GLT1D1: variants seen among roughly 807,000 people sequenced by gnomAD.
The protein encoded by GLT1D1 is glycosyltransferase 1 domain-containing protein 1.
In GLT1D1, 21 loss-of-function variants were observed where a neutral mutation model predicts 28.7. The ratio of observed to expected loss-of-function variants is 0.73; its 90% CI spans 0.52 to 1.05. The LOEUF (loss-of-function observed/expected upper bound fraction) is 1.05, where lower values mean the gene tolerates loss of function less well. Among genes scored for constraint, GLT1D1 ranks in the 50% least tolerant of loss-of-function variants. GLT1D1 has a pLI of 0.00. For missense variants in GLT1D1, 343 were observed against 330.6 expected, an observed-to-expected ratio of 1.04 and a Z score of -0.29; for synonymous variants, 147 against 124.8, an observed-to-expected ratio of 1.18 and a Z score of -1.19.
At chr12:128,877,864 C>G (rs1956911158) in intron 2 of GLT1D1, among the ~76,000 whole-genome samples, 1 of 152,180 alleles carries the variant, frequency 6.6e-6, no homozygotes, top group South Asian at 2.1e-4. Context: ...AGGCTGCAGT[C>G]TTATCTGGTG....
intron 4 of GLT1D1, among the ~76,000 whole-genome samples, chr12:128,922,009 C>G (rs1351327282): frequency 6.6e-6 from 1 of 151,480 alleles, no homozygotes; most frequent in Non-Finnish European, 1.5e-5. Context: ...TTCCTTCTTT[C>G]CCTCTTCCCC....
At chr12:128,910,194 C>A (rs1871361595) in intron 4 of GLT1D1, among the ~76,000 whole-genome samples, 1 of 150,766 alleles carries the variant, frequency 6.6e-6, no homozygotes, top group Non-Finnish European at 1.5e-5. Flanking sequence ...GGAAGATCAG[C>A]AGATAAGTCC....
chr12:128,869,088 C>T (rs1290154374), intron 1 of GLT1D1, among the ~76,000 whole-genome samples: 7 of 152,186 alleles, frequency 4.6e-5, no homozygotes, highest in East Asian at 1.9e-4. Context: ...AGGCTGGTCT[C>T]GAACTCCTGA....
chr12:128,949,034 C>A (rs1345291866), intron 6 of GLT1D1, among the ~76,000 whole-genome samples: 2 of 152,180 alleles, frequency 1.3e-5, no homozygotes, highest in Non-Finnish European at 2.9e-5. Context: ...TAGTATTAAT[C>A]TCCATTGTCC....
chr12:128,870,184 C>T (rs1470591317), intron 1 of GLT1D1, among the ~76,000 whole-genome samples: 1 of 152,104 alleles, frequency 6.6e-6, no homozygotes, highest in Non-Finnish European at 1.5e-5. Context: ...ATTACGGTCA[C>T]TCCAGCCTGG....
chr12:128,901,757 A>T (rs1354985948), intron 4 of GLT1D1, among the ~76,000 whole-genome samples: 5 of 147,420 alleles, frequency 3.4e-5, no homozygotes, highest in East Asian at 2.0e-4. Flanking sequence ...TATTATTATT[A>T]TTTTTTTTGA....
At chr12:128,858,869 C>T (rs1956291199) in intron 1 of GLT1D1, among the ~76,000 whole-genome samples, 1 of 152,146 alleles carries the variant, frequency 6.6e-6, no homozygotes, top group Admixed American at 6.6e-5. Context: ...TTAACTTGAA[C>T]ATTTCCTTTC....
intron 4 of GLT1D1, among the ~76,000 whole-genome samples, chr12:128,941,205 T>G (rs1875189165): frequency 6.6e-6 from 1 of 152,192 alleles, no homozygotes; most frequent in African/African-American, 2.4e-5. Context: ...GATTGGCACA[T>G]CACGTCTACT....
chr12:128,971,101 C>T (rs1003901490), intron 7 of GLT1D1, among the ~76,000 whole-genome samples: 3 of 152,178 alleles, frequency 2.0e-5, no homozygotes, highest in Admixed American at 1.3e-4. Flanking sequence ...GCAGTCATCC[C>T]GCCCAATCAT....
At chr12:128,892,985 C>T (rs1869229536) in intron 3 of GLT1D1, among the ~76,000 whole-genome samples, 1 of 152,156 alleles carries the variant, frequency 6.6e-6, no homozygotes, top group Non-Finnish European at 1.5e-5. Flanking sequence ...ATGGCTAATG[C>T]CTGTAATCCC....
intron 4 of GLT1D1, among the ~76,000 whole-genome samples, chr12:128,943,596 T>C (rs1346804765): frequency 5.3e-5 from 8 of 152,358 alleles, no homozygotes; most frequent in Non-Finnish European, 2.9e-5. Context: ...ACATATGTAT[T>C]TTCAAAGGAA....
intron 1 of GLT1D1, among the ~76,000 whole-genome samples, chr12:128,875,712 C>T (rs139366650): frequency 2.6e-5 from 4 of 152,072 alleles, no homozygotes; most frequent in East Asian, 3.9e-4. Context: ...GCAGGAGAAT[C>T]GCTTGGAGAC....
intron 7 of GLT1D1, 139 bp downstream of exon 11, chr12:128,957,782 T>TATC: frequency 1.7e-6 from 1 of 598,904 alleles, no homozygotes; most frequent in Non-Finnish European, 3.0e-6. Flanking sequence ...TGTCTTCTGT[T>TATC]ATCACCTGGG....
chr12:128,856,868 G>A, intron 1 of GLT1D1, among the ~76,000 whole-genome samples: 1 of 150,950 alleles, frequency 6.6e-6, no homozygotes, highest in East Asian at 1.9e-4. Context: ...TCGGGAGGCA[G>A]AGGCTCAAGA....
chr12:128,901,329 AG>A (rs1271881204), intron 4 of GLT1D1, among the ~76,000 whole-genome samples: 4 of 152,144 alleles, frequency 2.6e-5, no homozygotes, highest in Non-Finnish European at 4.4e-5. Context: ...CTTGTTGGCC[AG>A]GCCAGTCTTG....
intron 6 of GLT1D1, among the ~76,000 whole-genome samples, chr12:128,949,650 A>C (rs1301174669): frequency 1.3e-5 from 2 of 152,092 alleles, no homozygotes; most frequent in Non-Finnish European, 2.9e-5. Context: ...AGTTGTTTCC[A>C]CTTTTGAGCT....
intron 7 of GLT1D1, among the ~76,000 whole-genome samples, chr12:128,974,809 C>T (rs899700350): frequency 2.0e-5 from 3 of 152,216 alleles, no homozygotes; most frequent in African/African-American, 7.2e-5. Context: ...ATTCCGTGTA[C>T]GTTTTTGAGC....
intron 4 of GLT1D1, among the ~76,000 whole-genome samples, chr12:128,930,710 G>A (rs1397335425): frequency 6.6e-6 from 1 of 152,174 alleles, no homozygotes; most frequent in African/African-American, 2.4e-5. Flanking sequence ...GATAGCACTA[G>A]GTATGTGACA....
At chr12:128,880,205 C>T (rs1018432702) in intron 2 of GLT1D1, among the ~76,000 whole-genome samples, 4 of 152,180 alleles carry the variant, frequency 2.6e-5, no homozygotes, top group Admixed American at 6.5e-5. Flanking sequence ...TTACAGTTCT[C>T]AATTTTACCA....
Sources: allele counts gnomAD v4.1 joint callset (sites outside exome capture counted in the v4.1 genomes callset), GRCh38; gene constraint gnomAD v4.1.1; transcripts MANE v1.5; gene names NCBI Gene and HGNC (gene_info 2026-07-23, HGNC 2026-07-21).